Variants in MARCHF8 observed in about 807,000 individuals in gnomAD.
MARCHF8 encodes the protein membrane associated ring-CH-type finger 8.
A neutral mutation model predicts 51.6 loss-of-function variants in MARCHF8; 40 were observed. The ratio of observed to expected loss-of-function variants is 0.77; its 90% confidence interval spans 0.60 to 1.01. MARCHF8 has a LOEUF of 1.01. Among genes scored for constraint, MARCHF8 ranks in the 50% least tolerant of loss-of-function variants. The pLI is 0.00. For missense variants in MARCHF8, 685 were observed against 708.6 expected (o/e 0.97, Z 0.38); for synonymous variants, 263 against 280.3 (o/e 0.94, Z 0.62).
intron 2 of MARCHF8, among the ~76,000 whole-genome samples, chr10:45,512,426 C>T (rs955789108): frequency 6.6e-6 from 1 of 150,960 alleles, no homozygotes; most frequent in Non-Finnish European, 1.5e-5. Context: ...CGGCCAGCCA[C>T]CCCGTCCGGG....
intron 1 of MARCHF8, among the ~76,000 whole-genome samples, chr10:45,544,264 T>C (rs2044093329): frequency 6.6e-6 from 1 of 152,224 alleles, no homozygotes. Context: ...TCTCATGTAT[T>C]GCTGGTGAGA....
intron 2 of MARCHF8, among the ~76,000 whole-genome samples, chr10:45,515,969 T>G (rs2043611647): frequency 6.6e-6 from 1 of 152,204 alleles, no homozygotes; most frequent in African/African-American, 2.4e-5. Context: ...CTTACGAGAT[T>G]TCATGTCCAC....
intron 1 of MARCHF8, among the ~76,000 whole-genome samples, chr10:45,578,543 A>G (rs767364890): frequency 6.6e-6 from 1 of 152,232 alleles, no homozygotes; most frequent in African/African-American, 2.4e-5. Flanking sequence ...ATGCAGTTGG[A>G]AAGTCATCAC....
At chr10:45,562,912 C>T (rs965226996) in intron 1 of MARCHF8, among the ~76,000 whole-genome samples, 2 of 150,808 alleles carry the variant, frequency 1.3e-5, no homozygotes, top group Non-Finnish European at 2.9e-5. Flanking sequence ...TTGAATAGTA[C>T]GGGTTTCCAC....
intron 1 of MARCHF8, among the ~76,000 whole-genome samples, chr10:45,587,899 T>A (rs1463361150): frequency 6.6e-6 from 1 of 152,084 alleles, no homozygotes; most frequent in Non-Finnish European, 1.5e-5. Flanking sequence ...AAATGTATAT[T>A]AGACCAGCTA....
chr10:45,511,677 T>A (rs1279098493), intron 2 of MARCHF8, among the ~76,000 whole-genome samples: 1 of 152,130 alleles, frequency 6.6e-6, no homozygotes, highest in African/African-American at 2.4e-5. Flanking sequence ...CCCGAGGTGC[T>A]GGGATTGCAG....
chr10:45,565,309 T>C (rs1217859044), intron 1 of MARCHF8, among the ~76,000 whole-genome samples: 4 of 152,086 alleles, frequency 2.6e-5, no homozygotes. Flanking sequence ...TGCATGCCTG[T>C]AGTCCCAGCT....
chr10:45,541,826 T>C (rs948808415), intron 1 of MARCHF8, among the ~76,000 whole-genome samples: 6 of 152,070 alleles, frequency 3.9e-5, no homozygotes, highest in Admixed American at 6.5e-5. Flanking sequence ...TTTGAAAACA[T>C]GGAAGCAACT....
chr10:45,494,897 A>T (rs1478393657), intron 2 of MARCHF8, among the ~76,000 whole-genome samples: 1 of 152,194 alleles, frequency 6.6e-6, no homozygotes, highest in Non-Finnish European at 1.5e-5. Context: ...AGGTGGGAGG[A>T]TCACCTGAGG....
chr10:45,571,007 A>G (rs1396911844), intron 1 of MARCHF8, among the ~76,000 whole-genome samples: 1 of 152,206 alleles, frequency 6.6e-6, no homozygotes, highest in African/African-American at 2.4e-5. Flanking sequence ...TTCTGCCCAA[A>G]TCACAATTCC....
chr10:45,534,443 CCT>C (rs1157629231), intron 1 of MARCHF8, among the ~76,000 whole-genome samples: 1 of 152,006 alleles, frequency 6.6e-6, no homozygotes, highest in Non-Finnish European at 1.5e-5. Flanking sequence ...GTACTCCTGC[CCT>C]GTTTCTGGTT....
chr10:45,463,111 G>C, intron 5 of MARCHF8, 40 bp downstream of exon 5: 1 of 1,524,436 alleles, frequency 6.6e-7, no homozygotes, highest in Non-Finnish European at 8.8e-7. Context: ...TTCCTGATGC[G>C]AGCAGAGATG....
intron 2 of MARCHF8, 47 bp downstream of exon 2, chr10:45,533,063 A>C (rs927093968): frequency 4.1e-6 from 6 of 1,473,792 alleles, no homozygotes; most frequent in Non-Finnish European, 1.8e-6. Flanking sequence ...ATCTTTAATA[A>C]AAATTTAATA....
chr10:45,515,610 A>G (rs563422874), intron 2 of MARCHF8, among the ~76,000 whole-genome samples: 7 of 152,168 alleles, frequency 4.6e-5, no homozygotes, highest in Non-Finnish European at 8.8e-5. Context: ...CAGGGAAATA[A>G]TGATTTCTTC....
At chr10:45,486,624 T>C (rs374617569) in intron 3 of MARCHF8, among the ~76,000 whole-genome samples, 2 of 151,988 alleles carry the variant, frequency 1.3e-5, no homozygotes, top group African/African-American at 4.8e-5. Context: ...CAGCAATAAA[T>C]AATAAAGCTA....
chr10:45,582,422 A>C (rs2044565692), intron 1 of MARCHF8, among the ~76,000 whole-genome samples: 1 of 152,138 alleles, frequency 6.6e-6, no homozygotes, highest in African/African-American at 2.4e-5. Flanking sequence ...TTTCTTCTCC[A>C]AGTTGTAAAA....
intron 2 of MARCHF8, among the ~76,000 whole-genome samples, chr10:45,526,841 G>A (rs1564502447): frequency 6.6e-6 from 1 of 152,162 alleles, no homozygotes; most frequent in Non-Finnish European, 1.5e-5. Flanking sequence ...TTAGCATGTG[G>A]AACATTTTCC....
intron 2 of MARCHF8, among the ~76,000 whole-genome samples, chr10:45,521,498 G>T (rs2043705190): frequency 6.6e-6 from 1 of 152,350 alleles, no homozygotes; most frequent in South Asian, 2.1e-4. Context: ...GGAAGGTAAA[G>T]ATCTGAAAAT....
At chr10:45,592,465 G>A (rs920332482) in intron 1 of MARCHF8, among the ~76,000 whole-genome samples, 2 of 152,000 alleles carry the variant, frequency 1.3e-5, no homozygotes, top group East Asian at 3.8e-4. Flanking sequence ...TGTCTTTTAC[G>A]GGGGGGAAAA....
Sources: allele counts gnomAD v4.1 joint callset (sites outside exome capture counted in the v4.1 genomes callset), GRCh38; gene constraint gnomAD v4.1.1; transcripts MANE v1.5; gene names NCBI Gene and HGNC (gene_info 2026-07-23, HGNC 2026-07-21).